The following STAG1 variants were observed in gnomAD, a reference collection of about 807,000 sequenced individuals.
STAG1 encodes STAG1 cohesin complex component.
A neutral mutation model predicts 170.9 loss-of-function variants in STAG1; 26 were observed. The observed-to-expected ratio is 0.15, with a 90% confidence interval of 0.11 to 0.21. STAG1 has a LOEUF of 0.21. STAG1 is among the 10% of genes least tolerant of loss of function. STAG1 has a pLI of 1.00. For synonymous variants in STAG1, 514 were observed against 497.7 expected, an observed-to-expected ratio of 1.03 and a Z score of -0.44; for missense variants, 964 against 1,509.5, an observed-to-expected ratio of 0.64 and a Z score of 5.99.
chr3:136,705,881 C>G (rs1049018538), intron 1 of STAG1, among the ~76,000 whole-genome samples: 2 of 151,992 alleles, frequency 1.3e-5, no homozygotes, highest in African/African-American at 4.8e-5. Context: ...ATGGCTCATG[C>G]CTATAATCCC....
At chr3:136,721,822 G>A (rs1933293558) in intron 1 of STAG1, among the ~76,000 whole-genome samples, 1 of 151,998 alleles carries the variant, frequency 6.6e-6, no homozygotes, top group Admixed American at 6.6e-5. Flanking sequence ...TACTCGGGAG[G>A]CTGAGGCAGA....
At chr3:136,380,748 G>A (rs1937908595) in intron 22 of STAG1, among the ~76,000 whole-genome samples, 1 of 151,982 alleles carries the variant, frequency 6.6e-6, no homozygotes, top group African/African-American at 2.4e-5. Context: ...GGCCAGGCAT[G>A]ATGGCTCACG....
chr3:136,492,429 C>T (rs1484065490), intron 9 of STAG1, among the ~76,000 whole-genome samples: 2 of 152,148 alleles, frequency 1.3e-5, no homozygotes, highest in African/African-American at 2.4e-5. Context: ...ACTGGTGTTA[C>T]AGACTGACAG....
At chr3:136,363,764 C>G (rs1216102460) in intron 25 of STAG1, among the ~76,000 whole-genome samples, 1 of 152,050 alleles carries the variant, frequency 6.6e-6, no homozygotes, top group Non-Finnish European at 1.5e-5. Flanking sequence ...ATTCCCCATT[C>G]TTGTTTTTTC....
At chr3:136,363,612 AGT>A in intron 25 of STAG1, 145 bp from the exon 26 acceptor site, 2 of 461,658 alleles carry the variant, frequency 4.3e-6, no homozygotes, top group Non-Finnish European at 3.8e-6. Context: ...TAAATAAAAA[AGT>A]GTTTTATTTC....
intron 1 of STAG1, among the ~76,000 whole-genome samples, chr3:136,714,965 T>TATATATATATA (rs1559967677): frequency 3.2e-5 from 2 of 62,294 alleles, no homozygotes; most frequent in East Asian, 2.5e-4. Context: ...ATATATATAT[T>TATATATATATA]TTATATATAT....
Position 136,666,502 on chromosome 3 carries a change from G to A in STAG1, c.-83-35521C>T, listed in dbSNP as rs563759637. 3.5e-4 allele frequency among the ~76,000 whole-genome samples: 53 copies of A among 152,274 alleles called. No individual in the cohort carries two copies. The South Asian group carries it at 5.8e-3, about 17-fold the overall frequency. On this transcript the variant is annotated intron_variant, in intron 1 of 33. Transcript: ENST00000383202. ...GTTAAGCACAGAGAGTAAGTAACTT[G>A]CTAAAGATCACATGATGAATAACTG...
intron 1 of STAG1, among the ~76,000 whole-genome samples, chr3:136,750,201 G>C (rs1372767044): frequency 6.6e-6 from 1 of 152,082 alleles, no homozygotes; most frequent in South Asian, 2.1e-4. Flanking sequence ...TTTTTTTAAA[G>C]AGATGGAGTC....
intron 13 of STAG1, among the ~76,000 whole-genome samples, chr3:136,453,847 A>G (rs544990070): frequency 7.9e-5 from 12 of 152,112 alleles, no homozygotes; most frequent in Admixed American, 3.3e-4. Flanking sequence ...ATAACTGAAT[A>G]AAATGAGAAT....
intron 1 of STAG1, among the ~76,000 whole-genome samples, chr3:136,733,413 C>T (rs1576826941): frequency 6.6e-6 from 1 of 152,114 alleles, no homozygotes; most frequent in East Asian, 1.9e-4. Context: ...CGCACACTGA[C>T]AGGGAGAAGG....
chr3:136,438,124 C>G (rs1463919768), intron 15 of STAG1, among the ~76,000 whole-genome samples: 1 of 152,112 alleles, frequency 6.6e-6, no homozygotes, highest in African/African-American at 2.4e-5. Context: ...GCTATTGCAT[C>G]TCCTAGAACA....
chr3:136,581,964 C>T (rs954055198), intron 4 of STAG1, among the ~76,000 whole-genome samples: 2 of 152,054 alleles, frequency 1.3e-5, no homozygotes, highest in Non-Finnish European at 2.9e-5. Flanking sequence ...TCTTCTCTTC[C>T]TTTTAAAGTT....
At chr3:136,662,585 C>G (rs1941616595) in intron 1 of STAG1, among the ~76,000 whole-genome samples, 2 of 151,898 alleles carry the variant, frequency 1.3e-5, no homozygotes, top group South Asian at 2.1e-4. Context: ...AGCCAGGACT[C>G]TAGGAGCGTG....
intron 1 of STAG1, among the ~76,000 whole-genome samples, chr3:136,649,503 C>CAAAAA (rs761067087): frequency 1.4e-3 from 97 of 70,448 alleles, no homozygotes; most frequent in Middle Eastern, 0.01. Flanking sequence ...AAAACAGAAA[C>CAAAAA]AAAAAAAAAA....
intron 3 of STAG1, among the ~76,000 whole-genome samples, chr3:136,617,031 A>G (rs1173869701): frequency 6.6e-6 from 1 of 152,170 alleles, no homozygotes; most frequent in Non-Finnish European, 1.5e-5. Flanking sequence ...ATACTAACAA[A>G]CTTCACTTCT....
At chr3:136,553,859 A>G (rs1189941599) in intron 5 of STAG1, among the ~76,000 whole-genome samples, 2 of 152,230 alleles carry the variant, frequency 1.3e-5, no homozygotes, top group Non-Finnish European at 2.9e-5. Context: ...AGAGAAAAAG[A>G]AAACATAGAA....
intron 7 of STAG1, among the ~76,000 whole-genome samples, chr3:136,513,083 A>G (rs1292025684): frequency 6.6e-6 from 1 of 152,140 alleles, no homozygotes; most frequent in Non-Finnish European, 1.5e-5. Context: ...TAGTGGCCCA[A>G]GTGGCGGGGT....
chr3:136,615,205 T>A (rs1939522892), intron 3 of STAG1, among the ~76,000 whole-genome samples: 1 of 151,438 alleles, frequency 6.6e-6, no homozygotes, highest in African/African-American at 2.4e-5. Context: ...AAAAACACAA[T>A]GAGCAATGGT....
At chr3:136,719,239 T>A (rs1007401058) in intron 1 of STAG1, among the ~76,000 whole-genome samples, 1 of 152,094 alleles carries the variant, frequency 6.6e-6, no homozygotes. Context: ...CTCAAAAACA[T>A]TGCTAAATAA....
Sources: allele counts gnomAD v4.1 joint callset (sites outside exome capture counted in the v4.1 genomes callset), GRCh38; gene constraint gnomAD v4.1.1; transcripts MANE v1.5; gene names NCBI Gene and HGNC (gene_info 2026-07-23, HGNC 2026-07-21).